The following ACER3 variants were observed in gnomAD, a reference collection of about 807,000 sequenced individuals.
ACER3 encodes the protein alkCDase 3.
In ACER3, 16 loss-of-function variants were observed where a neutral mutation model predicts 48.9. The ratio of observed to expected loss-of-function variants is 0.33; its 90% CI spans 0.22 to 0.50. The LOEUF (loss-of-function observed/expected upper bound fraction) is 0.50. Among genes scored for constraint, ACER3 ranks in the 20% least tolerant of loss-of-function variants. The pLI is 0.98. For synonymous variants in ACER3, 109 were observed against 107.8 expected (o/e 1.01, Z -0.07); for missense variants, 227 against 326.0 (o/e 0.70, Z 2.34).
chr11:76,989,450 T>C (rs1948753901), intron 5 of ACER3, among the ~76,000 whole-genome samples: 1 of 152,098 alleles, frequency 6.6e-6, no homozygotes, highest in African/African-American at 2.4e-5. Flanking sequence ...TGAAGAGTAA[T>C]GGTAGAAAGG....
At chr11:76,960,355 G>A (rs1161537001) in intron 3 of ACER3, among the ~76,000 whole-genome samples, 1 of 151,962 alleles carries the variant, frequency 6.6e-6, no homozygotes, top group Non-Finnish European at 1.5e-5. Flanking sequence ...ATCGCAGTAA[G>A]CCAAGATCAC....
intron 1 of ACER3, among the ~76,000 whole-genome samples, chr11:76,898,538 CAGTA>C (rs1012514952): frequency 6.6e-5 from 10 of 152,100 alleles, no homozygotes; most frequent in African/African-American, 2.2e-4. Flanking sequence ...TATATTTTAG[CAGTA>C]AGTAAGAAGA....
chr11:76,869,376 A>C (rs1012427451), intron 1 of ACER3, among the ~76,000 whole-genome samples: 1 of 152,262 alleles, frequency 6.6e-6, no homozygotes, highest in South Asian at 2.1e-4. Flanking sequence ...TTTAGGTGCT[A>C]TGATCGCTTA....
intron 1 of ACER3, among the ~76,000 whole-genome samples, chr11:76,884,822 G>C (rs997372324): frequency 7.2e-5 from 11 of 152,084 alleles, no homozygotes; most frequent in Non-Finnish European, 1.6e-4. Flanking sequence ...GGAGGGCAAT[G>C]GCACAATCAT....
intron 7 of ACER3, among the ~76,000 whole-genome samples, chr11:76,999,869 C>T (rs1948992406): frequency 1.3e-5 from 2 of 152,096 alleles, no homozygotes; most frequent in Admixed American, 6.6e-5. Context: ...TGAGTAACAT[C>T]TGGGTTGTTT....
At chr11:77,010,986 C>T (rs577041964) in intron 7 of ACER3, among the ~76,000 whole-genome samples, 1 of 152,300 alleles carries the variant, frequency 6.6e-6, no homozygotes, top group East Asian at 1.9e-4. Context: ...AGACGTGCTT[C>T]GCCAAAATGA....
At chr11:77,010,524 C>T (rs1018632254) in intron 7 of ACER3, among the ~76,000 whole-genome samples, 2 of 149,520 alleles carry the variant, frequency 1.3e-5, no homozygotes, top group African/African-American at 2.5e-5. Context: ...GAACCAACAT[C>T]AAAAAGGAGA....
At chr11:76,946,411 C>G (rs968839686) in intron 2 of ACER3, among the ~76,000 whole-genome samples, 13 of 152,176 alleles carry the variant, frequency 8.5e-5, no homozygotes, top group African/African-American at 2.9e-4. Flanking sequence ...TGGGTATTGT[C>G]CTAAGTATGA....
At chr11:76,960,024 G>T (rs1947946598) in intron 3 of ACER3, among the ~76,000 whole-genome samples, 1 of 152,014 alleles carries the variant, frequency 6.6e-6, no homozygotes, top group South Asian at 2.1e-4. Context: ...TTCTAGAACA[G>T]TAGTACAAGT....
At chr11:77,005,101 G>A (rs1278235039) in intron 7 of ACER3, among the ~76,000 whole-genome samples, 2 of 147,110 alleles carry the variant, frequency 1.4e-5, no homozygotes, top group African/African-American at 5.0e-5. Flanking sequence ...GCAGTGGCGC[G>A]ATCTCAGCTC....
chr11:76,886,807 A>G (rs532457873), intron 1 of ACER3, among the ~76,000 whole-genome samples: 2 of 152,114 alleles, frequency 1.3e-5, no homozygotes, highest in Admixed American at 1.3e-4. Context: ...CAGCCTCCCA[A>G]GTAGCTGGAA....
intron 2 of ACER3, among the ~76,000 whole-genome samples, chr11:76,943,059 C>G (rs1410076169): frequency 6.6e-6 from 1 of 151,908 alleles, no homozygotes; most frequent in South Asian, 2.1e-4. Flanking sequence ...TGGATCTTCT[C>G]TCTTCTTGGT....
Position 77,016,791 on chromosome 11 carries a change from A to C in ACER3, c.704+12A>C. The C allele has an allele frequency of 6.9e-7, 1 of 1,444,482 alleles. No homozygotes were observed. Among genetic ancestry groups the C allele is most frequent in the Non-Finnish European group, 9.6e-7 (1 of 1,045,900 alleles). The allele number at this position is 1,444,482 out of a possible 1,614,324, so 89.5% of individuals were successfully genotyped here. The stretch of plus-strand genomic sequence containing the variant: ...CACATCCTTTTCAGGTAGGAAATAG[A>C]GACTTTTTTAGCCTCGTACTAGAGT... On this transcript the variant is annotated intron_variant, in intron 9 of 10. Transcript: ENST00000532485.
At position 77,023,217 on chromosome 11, in the gene ACER3, T is replaced by C. The variant is rs1949499150; in HGVS notation, c.*2890T>C. 1 of 398,364 alleles carries C rather than the reference T, an allele frequency of 2.5e-6. No homozygotes were observed. Among genetic ancestry groups the C allele is most frequent in the African/African-American group, 2.1e-5 (1 of 48,642 alleles). 24.7% of individuals were successfully genotyped at this position (398,364 alleles called of 1,614,324 possible). A position where few individuals can be genotyped will look rare whatever the true frequency, so the allele number is the denominator to read the frequency against. ...AATGAGAACCCAAATAGTAGTGTTT[T>C]GTTTGACAGAAGTAAATCAAATATT... is the stretch of plus-strand genomic sequence containing the variant. On this transcript the variant is annotated 3_prime_UTR_variant, in exon 11 of 11. Transcript: ENST00000532485.
chr11:76,926,169 A>G (rs1306263954), intron 1 of ACER3, among the ~76,000 whole-genome samples: 2 of 152,210 alleles, frequency 1.3e-5, no homozygotes, highest in Non-Finnish European at 1.5e-5. Context: ...AATTAAGCCA[A>G]TCCTGTATTC....
chr11:76,877,907 A>G (rs761099153), intron 1 of ACER3, among the ~76,000 whole-genome samples: 1 of 147,944 alleles, frequency 6.8e-6, no homozygotes, highest in Non-Finnish European at 1.5e-5. Flanking sequence ...ATTGTACTAT[A>G]TGTACATTCT....
intron 4 of ACER3, among the ~76,000 whole-genome samples, chr11:76,981,854 T>G (rs2135181897): frequency 6.6e-6 from 1 of 152,348 alleles, no homozygotes; most frequent in African/African-American, 2.4e-5. Context: ...TGTTAACAAG[T>G]CTTTGTATGG....
At chr11:76,960,790 C>G (rs1291869090) in intron 3 of ACER3, among the ~76,000 whole-genome samples, 1 of 151,996 alleles carries the variant, frequency 6.6e-6, no homozygotes, top group African/African-American at 2.4e-5. Flanking sequence ...GTATTAGAGA[C>G]CAGGGTTGAA....
At chr11:76,949,404 G>A (rs981569127) in intron 2 of ACER3, among the ~76,000 whole-genome samples, 1 of 152,098 alleles carries the variant, frequency 6.6e-6, no homozygotes, top group Non-Finnish European at 1.5e-5. Context: ...TAACTTTGAT[G>A]TCACAAACAG....
Sources: gnomAD v4.1 joint callset for allele counts (sites outside exome capture counted in the v4.1 genomes callset) on GRCh38, gnomAD v4.1.1 for gene constraint, MANE v1.5 for transcripts, NCBI Gene and HGNC (gene_info 2026-07-23, HGNC 2026-07-21) for gene names.